JAKMIP1: variants seen among roughly 807,000 people sequenced by gnomAD.
The protein encoded by JAKMIP1 is janus kinase and microtubule-interacting protein 1.
In JAKMIP1, 33 loss-of-function variants were observed where a neutral mutation model predicts 113.0. That is an observed-to-expected ratio of 0.29 (90% CI 0.22 to 0.39). The LOEUF is 0.39. Ranked by LOEUF, JAKMIP1 falls within the 10% of genes least tolerant of loss-of-function variation. The pLI, the probability that JAKMIP1 is intolerant of heterozygous loss-of-function variation, is 1.00. For synonymous variants in JAKMIP1, 480 were observed against 459.9 expected (o/e 1.04, Z -0.56); for missense variants, 813 against 1,080.5 (o/e 0.75, Z 3.47).
chr4:6,064,420 C>T lies in JAKMIP1; in HGVS notation c.1431+460G>A, dbSNP rs983213231. Among the ~76,000 whole-genome samples, 3 of 152,130 alleles carry T rather than the reference C, an allele frequency of 2.0e-5. No homozygotes were observed. The highest frequency in any genetic ancestry group is 4.4e-5 in the Non-Finnish European group (3 of 68,028). On this transcript the variant is annotated intron_variant, in intron 9 of 20. Transcript: ENST00000409021. The surrounding 1 kb of genome is among the most constrained non-coding windows in gnomAD (Gnocchi z 4.3). Reference sequence around the variant, plus strand: ...GTGATGGGACTTCAGGGCTCTTCACCTTCTTCTTTATATATTTTTGGATTA... The same window carrying T: ...GTGATGGGACTTCAGGGCTCTTCACTTTCTTCTTTATATATTTTTGGATTA...
rs751884086 is a variant in JAKMIP1, at chr4:6,048,871, C to A, written c.2014G>T (p.Ala672Ser). The change falls in exon 16 of 21, where the codon GCC becomes TCC. Residue 672 changes from alanine (A) to serine (S), a missense_variant. Transcript: ENST00000409021. ...VAIIQAGTVL[A>S]LCEKWLKQIE... ...CTGGCTTCTACCTTTTCACACAGGG[C>A]AAGCACAGTTCCAGCTTGGATTATT... 10 of 1,613,794 alleles carry A rather than the reference C, an allele frequency of 6.2e-6. No individual in the cohort carries two copies. The East Asian group carries it at 6.7e-5, about 11-fold the overall frequency.
At chr4:6,043,449 G>A (rs1222328269) in intron 16 of JAKMIP1, among the ~76,000 whole-genome samples, 3 of 151,772 alleles carry the variant, frequency 2.0e-5, no homozygotes, top group Non-Finnish European at 4.4e-5. Flanking sequence ...GCCCTCCCCC[G>A]GGATCCACCC....
Position 6,081,535 on chromosome 4 carries a change from G to A in JAKMIP1, c.1101+74C>T, listed in dbSNP as rs901914692. ...AGGTGCGCCCCAGAACATGTGAATC[G>A]GGAGGTTCAGGGCTGAAGAATCCCA... On this transcript the variant is annotated intron_variant, in intron 6 of 20. Coordinates refer to ENST00000409021, the MANE Select transcript of JAKMIP1 (RefSeq NM_001099433.2). This position sits in a 1 kb window ranked among gnomAD's most constrained non-coding sequence, Gnocchi z 4.6. 58 of 1,550,478 alleles carry A rather than the reference G, an allele frequency of 3.7e-5. No individual in the cohort carries two copies. The highest frequency in any genetic ancestry group is 1.4e-4 in the African/African-American group (10 of 73,524).
At chr4:6,113,721 C>T (rs1299039013) in intron 1 of JAKMIP1, among the ~76,000 whole-genome samples, 2 of 152,234 alleles carry the variant, frequency 1.3e-5, no homozygotes, top group Non-Finnish European at 2.9e-5. Flanking sequence ...GGAAAGCCCG[C>T]CTCTGCTCTC....
Position 6,042,334 on chromosome 4 carries a change from T to C in JAKMIP1, c.2029-107A>G. 1 of 891,748 alleles carries C rather than the reference T, an allele frequency of 1.1e-6. No homozygotes were observed. Among genetic ancestry groups the C allele is most frequent in the Non-Finnish European group, 1.8e-6 (1 of 543,224 alleles). 55.2% of individuals were successfully genotyped at this position (891,748 alleles called of 1,614,324 possible). A position where few individuals can be genotyped will look rare whatever the true frequency, so the allele number is the denominator to read the frequency against. ...ATTTCATAGATCGGCTTCCTCAGAGTGTGCTCAGGAATGGGTCAGGTCATG... is the reference window on the plus strand; with the variant it reads ...ATTTCATAGATCGGCTTCCTCAGAGCGTGCTCAGGAATGGGTCAGGTCATG... On this transcript the variant is annotated intron_variant, in intron 16 of 20. Coordinates refer to ENST00000409021, the MANE Select transcript of JAKMIP1 (RefSeq NM_001099433.2). This position sits in a 1 kb window ranked among gnomAD's most constrained non-coding sequence, Gnocchi z 5.2.
In JAKMIP1 at chr4:6,194,789, G is replaced by C. The variant is rs1266529542; in HGVS notation, c.-148+5464C>G. 6.6e-6 allele frequency among the ~76,000 whole-genome samples: 1 copy of C among 152,198 alleles called. No individual in the cohort carries two copies. Among genetic ancestry groups the C allele is most frequent in the Admixed American group, 6.5e-5 (1 of 15,286 alleles). On this transcript the variant is annotated intron_variant, in intron 1 of 20. Coordinates refer to ENST00000409021, the MANE Select transcript of JAKMIP1 (RefSeq NM_001099433.2). This position sits in a 1 kb window ranked among gnomAD's most constrained non-coding sequence, Gnocchi z 7.4. ...CCCTTCAGCCAGTCTAAGCCACGGT[G>C]GGAGACAGGAGAGCAGGCAGCCTGT...
chr4:6,105,992 CGGTCAGGGTCAGGGTCAGGGTCAG>C (rs557350431), intron 2 of JAKMIP1, 25 bp from the exon 3 acceptor site: 3 of 1,502,632 alleles, frequency 2.0e-6, no homozygotes, highest in African/African-American at 1.4e-5. Flanking sequence ...GCGAGAGAGC[CGGTCAGGGTCAGGGTCAGGGTCAG>C]GGTCAGGGTC....
At chr4:6,037,255 C>A (rs998630131) in intron 18 of JAKMIP1, among the ~76,000 whole-genome samples, 1 of 136,410 alleles carries the variant, frequency 7.3e-6, no homozygotes, top group Non-Finnish European at 1.5e-5. Flanking sequence ...ACCGGTATCC[C>A]TCCATCACTG....
chr4:6,194,318 A>G lies in JAKMIP1; in HGVS notation c.-148+5935T>C, dbSNP rs11732445. Reference sequence around the variant, plus strand: ...TTTCACCTCAATTTTTTTAAGAAAAAGAAGGGGAAAAAGAATTGCTTCAAT... The same window carrying G: ...TTTCACCTCAATTTTTTTAAGAAAAGGAAGGGGAAAAAGAATTGCTTCAAT... On this transcript the variant is annotated intron_variant, in intron 1 of 20. Transcript: ENST00000409021. This position sits in a 1 kb window ranked among gnomAD's most constrained non-coding sequence, Gnocchi z 7.4. 0.11 allele frequency among the ~76,000 whole-genome samples: 16,576 copies of G among 152,014 alleles called. 1,022 individuals carry two copies. The highest frequency in any genetic ancestry group is 0.14 in the Non-Finnish European group (9,534 of 67,978).
At position 6,154,688 on chromosome 4, in the gene JAKMIP1, G is replaced by A. The variant is rs1008370000; in HGVS notation, c.-147-41691C>T. ...TGGCAAATGGAATTCTTTTCAATCC[G>A]GCCCGCTGAACCCCTCTTTCAGTTT... On this transcript the variant is annotated intron_variant, in intron 1 of 20. Transcript: ENST00000409021. The surrounding 1 kb of genome is among the most constrained non-coding windows in gnomAD (Gnocchi z 4.2). Among the ~76,000 whole-genome samples, 6 of 151,610 alleles carry A rather than the reference G, an allele frequency of 4.0e-5. No homozygotes were observed. Among genetic ancestry groups the A allele is most frequent in the African/African-American group, 1.2e-4 (5 of 41,246 alleles).
At chr4:6,035,131 T>C (rs1011997889) in intron 19 of JAKMIP1, among the ~76,000 whole-genome samples, 4 of 151,852 alleles carry the variant, frequency 2.6e-5, no homozygotes, top group Non-Finnish European at 4.4e-5. Flanking sequence ...CTCTCTCTCT[T>C]TCTCTTTCTC....
At chr4:6,165,525 C>A (rs1342737130) in intron 1 of JAKMIP1, among the ~76,000 whole-genome samples, 1 of 152,330 alleles carries the variant, frequency 6.6e-6, no homozygotes, top group East Asian at 1.9e-4. Flanking sequence ...AGCTCTTGAA[C>A]TCCTGACCTC....
At chr4:6,026,636 T>A (rs1241133168) in intron 20 of JAKMIP1, among the ~76,000 whole-genome samples, 1 of 148,766 alleles carries the variant, frequency 6.7e-6, no homozygotes, top group Non-Finnish European at 1.5e-5. Context: ...GCCCAGCCGA[T>A]GGTCATGGTC....
At chr4:6,166,455 TC>T (rs1461494422) in intron 1 of JAKMIP1, among the ~76,000 whole-genome samples, 1 of 152,172 alleles carries the variant, frequency 6.6e-6, no homozygotes, top group African/African-American at 2.4e-5. Flanking sequence ...CCCTTCCCTG[TC>T]CCACCCAAGC....
rs1386436539 is a variant in JAKMIP1, at chr4:6,179,317, G to A, written c.-148+20936C>T. 6.6e-6 allele frequency among the ~76,000 whole-genome samples: 1 copy of A among 152,154 alleles called. No homozygotes were observed. The highest frequency in any genetic ancestry group is 2.4e-5 in the African/African-American group (1 of 41,440). On this transcript the variant is annotated intron_variant, in intron 1 of 20. Transcript: ENST00000409021. This position sits in a 1 kb window ranked among gnomAD's most constrained non-coding sequence, Gnocchi z 4.5. ...TGGTTTCCTCCTACCATCTTGCATG[G>A]TGGTTGAGAGGCTTAAAGAGGAACC...
intron 12 of JAKMIP1, among the ~76,000 whole-genome samples, chr4:6,056,171 T>C (rs370146980): frequency 2.1e-5 from 3 of 143,740 alleles, no homozygotes; most frequent in Admixed American, 6.9e-5. Flanking sequence ...CTCTGCAGGG[T>C]GTCTGCAGAG....
chr4:6,104,303 A>G (rs13104212), intron 3 of JAKMIP1, among the ~76,000 whole-genome samples: 5,594 of 152,240 alleles, frequency 0.037, 140 homozygotes, highest in South Asian at 0.07. Flanking sequence ...TTCGTCCCCA[A>G]CCGTAACTGT....
chr4:6,085,033 C>G (rs944929977), intron 4 of JAKMIP1, 68 bp from the exon 5 acceptor site: 3 of 1,489,722 alleles, frequency 2.0e-6, no homozygotes, highest in Non-Finnish European at 2.7e-6. Flanking sequence ...TTGTGTGGAG[C>G]CTTCTTAGAA....
chr4:6,197,958 C>A lies in JAKMIP1; in HGVS notation c.-148+2295G>T, dbSNP rs1348198025. ...ACGGTCCTGCCACTTCCTCGTGCAGCCTTCCTGGCCGGGCCGCCTGTCCCC... is the reference window on the plus strand; with the variant it reads ...ACGGTCCTGCCACTTCCTCGTGCAGACTTCCTGGCCGGGCCGCCTGTCCCC... On this transcript the variant is annotated intron_variant, in intron 1 of 20. Coordinates refer to ENST00000409021, the MANE Select transcript of JAKMIP1 (RefSeq NM_001099433.2). This position sits in a 1 kb window ranked among gnomAD's most constrained non-coding sequence, Gnocchi z 6.5. Among the ~76,000 whole-genome samples the A allele has an allele frequency of 1.3e-5, 2 of 152,216 alleles. No homozygotes were observed. Among genetic ancestry groups the A allele is most frequent in the African/African-American group, 4.8e-5 (2 of 41,446 alleles).
Sources: gnomAD v4.1 joint callset for allele counts (sites outside exome capture counted in the v4.1 genomes callset) on GRCh38, gnomAD v4.1.1 for gene constraint, Gnocchi (gnomAD v3.1) non-coding constraint, MANE v1.5 for transcripts, NCBI Gene and HGNC (gene_info 2026-07-23, HGNC 2026-07-21) for gene names.